The following GTF2I variants were observed in gnomAD, a reference collection of about 807,000 sequenced individuals.
The protein encoded by GTF2I is general transcription factor IIi.
In GTF2I, 12 loss-of-function variants were observed where a neutral mutation model predicts 67.6. That is an observed-to-expected ratio of 0.18 (90% confidence interval 0.11 to 0.29). The LOEUF is 0.29. Ranked by LOEUF, GTF2I falls within the 10% of genes least tolerant of loss-of-function variation. GTF2I has a pLI of 1.00. For synonymous variants in GTF2I, 149 were observed against 197.0 expected, an observed-to-expected ratio of 0.76 and a Z score of 2.04; for missense variants, 271 against 580.1, an observed-to-expected ratio of 0.47 and a Z score of 5.47.
intron 1 of GTF2I, among the ~76,000 whole-genome samples, chr7:74,668,324 A>G (rs1805166500): frequency 9.0e-6 from 1 of 111,698 alleles, no homozygotes; most frequent in African/African-American, 3.7e-5. Flanking sequence ...TAGCATGGCA[A>G]AGCCCATTGT....
At chr7:74,687,096 G>T (rs1787805993) in intron 1 of GTF2I, among the ~76,000 whole-genome samples, 1 of 151,912 alleles carries the variant, frequency 6.6e-6, no homozygotes, top group East Asian at 1.9e-4. Flanking sequence ...TCGCCACATT[G>T]CCCAGGATGG....
intron 1 of GTF2I, among the ~76,000 whole-genome samples, chr7:74,661,523 A>G (rs1460210211): frequency 2.0e-5 from 3 of 152,010 alleles, no homozygotes; most frequent in Non-Finnish European, 4.4e-5. Flanking sequence ...TACTAAAAAT[A>G]CAAAAATTAG....
chr7:74,727,676 C>T (rs1208785907), intron 12 of GTF2I: 2 of 152,106 alleles, frequency 1.3e-5, no homozygotes, highest in African/African-American at 4.8e-5. Context: ...ATGATGTTTT[C>T]AGTATTTTAT....
chr7:74,711,557 A>G (rs1214514760), intron 9 of GTF2I, among the ~76,000 whole-genome samples: 1 of 152,142 alleles, frequency 6.6e-6, no homozygotes, highest in Non-Finnish European at 1.5e-5. Flanking sequence ...AATATCTATA[A>G]CCCCAAAAGT....
intron 1 of GTF2I, among the ~76,000 whole-genome samples, chr7:74,684,322 A>ACACT (rs1159938956): frequency 6.6e-6 from 1 of 152,242 alleles, no homozygotes; most frequent in Non-Finnish European, 1.5e-5. Flanking sequence ...GGACGAGGCA[A>ACACT]CTGAGTACAG....
At position 74,669,098 on chromosome 7, in the gene GTF2I, G is replaced by C. The variant is rs587704418; in HGVS notation, c.-6+11030G>C. Among the ~76,000 whole-genome samples, 3 of 152,026 alleles carry C rather than the reference G, an allele frequency of 2.0e-5. No individual in the cohort carries two copies. In the South Asian group the frequency reaches 6.2e-4, roughly 32 times the overall value. ...TATTCATTTATTCAACATACTGATG[G>C]GCTCATCCTATGAGGCCTCAGAACA... On this transcript the variant is annotated intron_variant, in intron 1 of 34. Coordinates refer to ENST00000573035, the MANE Select transcript of GTF2I (RefSeq NM_032999.4).
intron 8 of GTF2I, among the ~76,000 whole-genome samples, 153 bp downstream of exon 8, chr7:74,706,586 T>C (rs1790729913): frequency 6.6e-6 from 1 of 152,226 alleles, no homozygotes; most frequent in East Asian, 1.9e-4. Context: ...TTTGTTAATG[T>C]TATCACATTA....
chr7:74,717,069 C>G, intron 11 of GTF2I, 119 bp downstream of exon 11: 4 of 1,379,598 alleles, frequency 2.9e-6, no homozygotes, highest in Non-Finnish European at 2.9e-6. Context: ...CCTTGGTATG[C>G]CTTCCTAGCC....
rs1795067002 is a variant in GTF2I, at chr7:74,741,113, TA to T, written c.1679-2335del. On this transcript the variant is annotated intron_variant, in intron 19 of 34. Coordinates refer to ENST00000573035, the MANE Select transcript of GTF2I (RefSeq NM_032999.4). ...GATGCTTAAAAGGCAATGGTTGTCT[TA>T]GGGATAGGAAAACACACCCCACTGT... Among the ~76,000 whole-genome samples, 2 of 34,786 alleles carry T rather than the reference TA, an allele frequency of 5.7e-5. 1 individual carries two copies. The highest frequency in any genetic ancestry group is 2.0e-3 in the South Asian group (2 of 984). 22.8% of individuals were successfully genotyped at this position (34,786 alleles called of 152,430 possible).
chr7:74,659,120 A>C (rs1804235281), intron 1 of GTF2I, among the ~76,000 whole-genome samples: 1 of 152,020 alleles, frequency 6.6e-6, no homozygotes, highest in African/African-American at 2.4e-5. Flanking sequence ...ATGCGTTCTC[A>C]CTTTGTTGCC....
intron 8 of GTF2I, among the ~76,000 whole-genome samples, chr7:74,710,150 G>A (rs587681957): frequency 6.6e-6 from 1 of 152,242 alleles, no homozygotes; most frequent in East Asian, 1.9e-4. Flanking sequence ...TTGCTTCAGG[G>A]ATGCATACCC....
At chr7:74,682,560 G>C (rs1787361370) in intron 1 of GTF2I, among the ~76,000 whole-genome samples, 1 of 152,178 alleles carries the variant, frequency 6.6e-6, no homozygotes, top group African/African-American at 2.4e-5. Flanking sequence ...ACTTGGATTA[G>C]AGTGATTCTA....
intron 6 of GTF2I, among the ~76,000 whole-genome samples, chr7:74,703,105 GGTTT>G (rs1790052571): frequency 6.6e-6 from 1 of 151,606 alleles, no homozygotes; most frequent in African/African-American, 2.4e-5. Flanking sequence ...TTAAAAATTG[GGTTT>G]GTTTGTCTTT....
At chr7:74,692,451 T>C (rs1788413529) in intron 3 of GTF2I, among the ~76,000 whole-genome samples, 1 of 152,190 alleles carries the variant, frequency 6.6e-6, no homozygotes. Context: ...TATTGCAAAA[T>C]TAAACAGTTC....
intron 10 of GTF2I, among the ~76,000 whole-genome samples, chr7:74,716,373 C>T (rs1043136477): frequency 6.6e-6 from 1 of 152,100 alleles, no homozygotes; most frequent in Non-Finnish European, 1.5e-5. Flanking sequence ...TTTTAACTTA[C>T]GAGTTTCCTT....
intron 9 of GTF2I, among the ~76,000 whole-genome samples, chr7:74,711,603 G>A (rs1791553078): frequency 6.6e-6 from 1 of 152,016 alleles, no homozygotes; most frequent in African/African-American, 2.4e-5. Flanking sequence ...GCCCTGCCCA[G>A]TATTCAGGCA....
intron 1 of GTF2I, among the ~76,000 whole-genome samples, chr7:74,670,894 C>G (rs1805392186): frequency 6.6e-6 from 1 of 151,892 alleles, no homozygotes; most frequent in African/African-American, 2.4e-5. Context: ...AAAATCTGGA[C>G]TATCAATTTA....
intron 15 of GTF2I, among the ~76,000 whole-genome samples, chr7:74,732,931 C>T (rs587660904): frequency 5.7e-4 from 87 of 151,344 alleles, no homozygotes; most frequent in African/African-American, 2.1e-3. Context: ...TGCTAAAGAA[C>T]ATAGAATCCA....
chr7:74,734,406 T>C (rs1426030170), intron 16 of GTF2I, among the ~76,000 whole-genome samples: 1 of 149,642 alleles, frequency 6.7e-6, no homozygotes, highest in Non-Finnish European at 1.5e-5. Context: ...TCTTAATTGT[T>C]AGATGTATTT....
Sources: allele counts gnomAD v4.1 joint callset (sites outside exome capture counted in the v4.1 genomes callset), GRCh38; gene constraint gnomAD v4.1.1; transcripts MANE v1.5; gene names NCBI Gene and HGNC (gene_info 2026-07-23, HGNC 2026-07-21).